The following RMND5A variants were observed in gnomAD, a reference collection of about 807,000 sequenced individuals.
The protein encoded by RMND5A is required for meiotic nuclear division 5 homolog A.
A neutral mutation model predicts 49.7 loss-of-function variants in RMND5A; 17 were observed. That is an observed-to-expected ratio of 0.34 (90% CI 0.23 to 0.51). The LOEUF (loss-of-function observed/expected upper bound fraction) is 0.51, where lower values mean the gene tolerates loss of function less well. RMND5A is among the 20% of genes least tolerant of loss of function. The pLI is 0.96. For synonymous variants in RMND5A, 156 were observed against 167.7 expected (o/e 0.93, Z 0.54); for missense variants, 255 against 471.3 (o/e 0.54, Z 4.25).
intron 4 of RMND5A, among the ~76,000 whole-genome samples, chr2:86,762,473 T>C (rs915088374): frequency 6.6e-6 from 1 of 151,452 alleles, no homozygotes; most frequent in East Asian, 2.0e-4. Context: ...GGTGAGACCC[T>C]ATCTCTACTA....
At position 86,777,861 on chromosome 2, in the gene RMND5A, T is replaced by C. The variant is rs767165840; in HGVS notation, c.*4450T>C. ...GGAAAAAGTAGCATATCCAGTAGTT[T>C]CAGGGAATTCATTTTAACTTTAAGA... On this transcript the variant is annotated 3_prime_UTR_variant, in exon 9 of 9. Transcript: ENST00000283632. 1 of 152,224 alleles carries C rather than the reference T, an allele frequency of 6.6e-6. No homozygotes were observed. The highest frequency in any genetic ancestry group is 1.5e-5 in the Non-Finnish European group (1 of 68,042). The allele number at this position is 152,224 out of a possible 1,614,324, so 9.4% of individuals were successfully genotyped here.
At chr2:86,743,937 C>T (rs1050927207) in intron 2 of RMND5A, among the ~76,000 whole-genome samples, 1 of 150,196 alleles carries the variant, frequency 6.7e-6, no homozygotes, top group African/African-American at 2.5e-5. Context: ...GAGATTGCAC[C>T]ACTGCACTCC....
Position 86,770,071 on chromosome 2 carries a change from C to T in RMND5A, c.903C>T (p.Ala301=), listed in dbSNP as rs771249261. The part of the protein sequence containing the change: ...VALPALINIK[A]VIEQRQCTGV... ...TGCCAGCTTTAATTAACATCAAAGC[C>T]GTGATTGAACAGAGGCAGTGTACTG... Residue 301 remains alanine, a synonymous_variant, in exon 7 of 9, where the codon GCC becomes GCT. Coordinates refer to ENST00000283632, the MANE Select transcript of RMND5A (RefSeq NM_022780.4). 61 of 1,613,802 alleles carry T rather than the reference C, an allele frequency of 3.8e-5. No homozygotes were observed. Among genetic ancestry groups the T allele is most frequent in the South Asian group, 1.4e-4 (13 of 91,080 alleles).
In RMND5A at chr2:86,720,631, C is replaced by T; in HGVS notation, c.-37C>T. 1.3e-6 allele frequency: 2 copies of T among 1,514,996 alleles called. No individual in the cohort carries two copies. The highest frequency in any genetic ancestry group is 1.2e-5 in the South Asian group (1 of 82,088). 93.8% of individuals were successfully genotyped at this position (1,514,996 alleles called of 1,614,324 possible). A position where few individuals can be genotyped will look rare whatever the true frequency, so the allele number is the denominator to read the frequency against. On this transcript the variant is annotated 5_prime_UTR_variant, in exon 1 of 9. Coordinates refer to ENST00000283632, the MANE Select transcript of RMND5A (RefSeq NM_022780.4). ...GGCCCGGGCCGAACGGCTGCGGACA[C>T]CTGGGCGCCGAGGAGCCGAGCGCCG...
chr2:86,735,114 G>C (rs1366554632), intron 1 of RMND5A, among the ~76,000 whole-genome samples: 1 of 152,152 alleles, frequency 6.6e-6, no homozygotes, highest in Admixed American at 6.5e-5. Context: ...ATAATCCATT[G>C]TTTATCCATT....
In RMND5A at chr2:86,766,017, A is replaced by G. The variant is rs1468243173; in HGVS notation, c.847A>G (p.Ser283Gly). Residue 283 changes from serine to glycine, a missense_variant, in exon 6 of 9, where the codon AGT (serine) becomes GGT (glycine). Ser to Gly is a moderately conservative substitution (Grantham distance 56, BLOSUM62 0). Coordinates refer to ENST00000283632, the MANE Select transcript of RMND5A (RefSeq NM_022780.4). ...LLGLSVESPL[S>G]VSFSAGCVAL... ...GGGGCTCTCCGTGGAGTCCCCTCTC[A>G]GTGTCAGGTATGGAAATTAGCCCTG... is the stretch of plus-strand genomic sequence containing the variant. 6.2e-7 allele frequency: 1 copy of G among 1,613,092 alleles called. No homozygotes were observed. The highest frequency in any genetic ancestry group is 8.5e-7 in the Non-Finnish European group (1 of 1,179,632).
intron 4 of RMND5A, 96 bp downstream of exon 4, chr2:86,753,654 C>G (rs1681678742): frequency 1.6e-6 from 1 of 612,746 alleles, no homozygotes; most frequent in Non-Finnish European, 2.8e-6. Context: ...ATATATTTAT[C>G]TTACCTGTGG....
At chr2:86,721,032 C>G (rs926351495) in intron 1 of RMND5A, 1 of 441,822 alleles carries the variant, frequency 2.3e-6, no homozygotes, top group East Asian at 4.0e-5. Flanking sequence ...GCGAACCACC[C>G]GGAAACCCAG....
intron 8 of RMND5A, among the ~76,000 whole-genome samples, chr2:86,772,956 T>C (rs991945782): frequency 1.3e-5 from 2 of 152,204 alleles, no homozygotes; most frequent in East Asian, 1.9e-4. Flanking sequence ...GGTGTGGGCT[T>C]GTAGCTGCCA....
Position 86,751,992 on chromosome 2 carries a change from C to A in RMND5A, c.382C>A (p.Arg128=). Residue 128 remains arginine (R), a synonymous_variant, in exon 3 of 9, where the codon CGA becomes AGA. Coordinates refer to ENST00000283632, the MANE Select transcript of RMND5A (RefSeq NM_022780.4). ...TGAGGTGATGGTGGAGCACTTCTTT[C>A]GACAAGGAATGCTGGATGTGGCTGA... is the stretch of plus-strand genomic sequence containing the variant. ...LNEVMVEHFF[R]QGMLDVAEEL... 2 of 1,613,842 alleles carry A rather than the reference C, an allele frequency of 1.2e-6. No homozygotes were observed. The highest frequency in any genetic ancestry group is 1.7e-6 in the Non-Finnish European group (2 of 1,179,916).
intron 4 of RMND5A, among the ~76,000 whole-genome samples, chr2:86,759,529 G>A (rs939226232): frequency 2.0e-5 from 3 of 152,062 alleles, no homozygotes; most frequent in African/African-American, 2.4e-5. Context: ...CAGTGTTCTC[G>A]TGGTCCACGC....
intron 4 of RMND5A, among the ~76,000 whole-genome samples, chr2:86,755,234 C>T (rs1026685462): frequency 6.6e-6 from 1 of 151,916 alleles, no homozygotes; most frequent in Non-Finnish European, 1.5e-5. Context: ...TCCTCCTGCC[C>T]CGGCCTCCTG....
At chr2:86,753,646 AT>A in intron 4 of RMND5A, 88 bp downstream of exon 4, 1 of 639,672 alleles carries the variant, frequency 1.6e-6, no homozygotes, top group Middle Eastern at 2.8e-4. Flanking sequence ...ATTTTTAGAT[AT>A]ATTTATCTTA....
chr2:86,777,270 C>T lies in RMND5A; in HGVS notation c.*3859C>T, dbSNP rs531391472. 6.6e-6 allele frequency: 1 copy of T among 152,336 alleles called. No homozygotes were observed. Among genetic ancestry groups the T allele is most frequent in the Admixed American group, 6.5e-5 (1 of 15,306 alleles). 9.4% of individuals were successfully genotyped at this position (152,336 alleles called of 1,614,324 possible). On this transcript the variant is annotated 3_prime_UTR_variant, in exon 9 of 9. Transcript: ENST00000283632. ...TGTTATGGGTGAGGACCTACATACA[C>T]TCTTACTTTAGCAGTCACTTAACCT...
chr2:86,777,966 G>A lies in RMND5A; in HGVS notation c.*4555G>A, dbSNP rs1375957418. ...ACTATAAGAAATGCTTTGTTAATGT[G>A]TGTATTCCTATGTAAAACACATGGC... is the stretch of plus-strand genomic sequence containing the variant. On this transcript the variant is annotated 3_prime_UTR_variant, in exon 9 of 9. Coordinates refer to ENST00000283632, the MANE Select transcript of RMND5A (RefSeq NM_022780.4). 2 of 152,122 alleles carry A rather than the reference G, an allele frequency of 1.3e-5. No homozygotes were observed. Among genetic ancestry groups the A allele is most frequent in the African/African-American group, 4.8e-5 (2 of 41,416 alleles). 9.4% of individuals were successfully genotyped at this position (152,122 alleles called of 1,614,324 possible). A position where few individuals can be genotyped will look rare whatever the true frequency, so the allele number is the denominator to read the frequency against.
intron 4 of RMND5A, among the ~76,000 whole-genome samples, chr2:86,762,001 A>G (rs1486704126): frequency 1.3e-5 from 2 of 152,226 alleles, no homozygotes; most frequent in Admixed American, 6.5e-5. Flanking sequence ...TTTCAGGAAA[A>G]GTAATTTATA....
rs1191465156 is a variant in RMND5A at position 86,773,969 on chromosome 2, C to T, written c.*558C>T. ...ATGCTTTTTGATGTTTTCCTCTGCT[C>T]CAGCTCCAAGAAGTCAGCACACCTG... On this transcript the variant is annotated 3_prime_UTR_variant, in exon 9 of 9. Transcript: ENST00000283632. The T allele has an allele frequency of 6.5e-6, 1 of 152,684 alleles. No individual in the cohort carries two copies. Among genetic ancestry groups the T allele is most frequent in the African/African-American group, 2.4e-5 (1 of 41,446 alleles). 9.5% of individuals were successfully genotyped at this position (152,684 alleles called of 1,614,324 possible).
At chr2:86,729,190 A>G (rs955208938) in intron 1 of RMND5A, among the ~76,000 whole-genome samples, 1 of 152,266 alleles carries the variant, frequency 6.6e-6, no homozygotes, top group African/African-American at 2.4e-5. Context: ...AGAGTCTTTA[A>G]GGAACTTAGA....
At chr2:86,769,938 TAG>T (rs1672661838) in intron 6 of RMND5A, 83 bp from the exon 7 acceptor site, 1 of 905,446 alleles carries the variant, frequency 1.1e-6, no homozygotes, top group East Asian at 2.4e-5. Flanking sequence ...CTGCAGCACA[TAG>T]AGTCTGGAGA....
Sources: gnomAD v4.1 joint callset for allele counts (sites outside exome capture counted in the v4.1 genomes callset) on GRCh38, gnomAD v4.1.1 for gene constraint, MANE v1.5 for transcripts, NCBI Gene and HGNC (gene_info 2026-07-23, HGNC 2026-07-21) for gene names.